Variants in CHST8 observed in about 807,000 individuals in gnomAD.
CHST8 encodes carbohydrate sulfotransferase 8.
In CHST8, 10 loss-of-function variants were observed where a neutral mutation model predicts 15.0. The observed-to-expected ratio is 0.67, with a 90% CI of 0.41 to 1.13. The LOEUF (loss-of-function observed/expected upper bound fraction) is 1.13, where lower values mean the gene tolerates loss of function less well. Ranked by LOEUF, CHST8 falls within the 50% of genes most tolerant of loss-of-function variation. The pLI is 0.00. For synonymous variants in CHST8, 259 were observed against 256.6 expected, an observed-to-expected ratio of 1.01 and a Z score of -0.09; for missense variants, 634 against 608.2, an observed-to-expected ratio of 1.04 and a Z score of -0.45.
intron 3 of CHST8, among the ~76,000 whole-genome samples, chr19:33,723,861 G>A (rs757171177): frequency 1.3e-5 from 2 of 152,126 alleles, no homozygotes; most frequent in South Asian, 2.1e-4. Context: ...GATCATCCTC[G>A]AGCCAATTCC....
intron 1 of CHST8, among the ~76,000 whole-genome samples, chr19:33,647,003 CAA>C (rs1242757942): frequency 6.6e-6 from 1 of 152,190 alleles, no homozygotes; most frequent in Non-Finnish European, 1.5e-5. Context: ...CAGGAATGAA[CAA>C]AGACAGCTTG....
intron 3 of CHST8, among the ~76,000 whole-genome samples, chr19:33,712,787 G>C (rs552629867): frequency 6.6e-6 from 1 of 152,084 alleles, no homozygotes; most frequent in Non-Finnish European, 1.5e-5. Flanking sequence ...CTCCTTGCCC[G>C]AGTCTCAAAA....
At chr19:33,624,040 G>A (rs1972019826) in intron 1 of CHST8, among the ~76,000 whole-genome samples, 2 of 152,168 alleles carry the variant, frequency 1.3e-5, no homozygotes, top group Non-Finnish European at 2.9e-5. Context: ...CCATTGCCTG[G>A]CCCAGTCGCC....
At chr19:33,718,720 A>G (rs1973715968) in intron 3 of CHST8, among the ~76,000 whole-genome samples, 1 of 152,238 alleles carries the variant, frequency 6.6e-6, no homozygotes, top group South Asian at 2.1e-4. Flanking sequence ...GTGTTTACCC[A>G]GAATCCTCCT....
intron 3 of CHST8, among the ~76,000 whole-genome samples, chr19:33,718,269 A>T (rs1454113005): frequency 1.8e-5 from 2 of 112,408 alleles, no homozygotes; most frequent in Non-Finnish European, 3.8e-5. Flanking sequence ...CCCAGGCTGG[A>T]CTACAGTGGC....
Position 33,689,385 on chromosome 19 carries a change from G to C in CHST8, c.124G>C (p.Val42Leu). Residue 42 changes from valine to leucine, a missense_variant, in exon 3 of 5, where the codon GTG (valine) becomes CTG (leucine). By Grantham distance (32) the Val-to-Leu change is conservative. Coordinates refer to ENST00000650847, the MANE Select transcript of CHST8 (RefSeq NM_001127895.2). ...QDPTELAPQQ[V>L]PGIKFNIRPR... ...CCCTACGGAGCTCGCCCCCCAGCAG[G>C]TGCCAGGTGAGTCCTTGCGCTGAGT... 5.0e-6 allele frequency: 8 copies of C among 1,592,794 alleles called. No homozygotes were observed. Among genetic ancestry groups the C allele is most frequent in the Non-Finnish European group, 5.1e-6 (6 of 1,172,478 alleles).
At chr19:33,642,303 C>CA (rs1555710971) in intron 1 of CHST8, among the ~76,000 whole-genome samples, 1 of 152,126 alleles carries the variant, frequency 6.6e-6, no homozygotes, top group African/African-American at 2.4e-5. Context: ...GGCCCCCCCC[C>CA]ACTCCACCTC....
chr19:33,689,558 T>C (rs1048664819), intron 3 of CHST8, among the ~76,000 whole-genome samples, 167 bp downstream of exon 3: 4 of 152,212 alleles, frequency 2.6e-5, no homozygotes, highest in Non-Finnish European at 5.9e-5. Context: ...TTAGTCTCAA[T>C]GTGGGAGTGC....
intron 1 of CHST8, among the ~76,000 whole-genome samples, chr19:33,645,930 T>C (rs1359997060): frequency 1.3e-5 from 2 of 151,914 alleles, no homozygotes; most frequent in East Asian, 3.9e-4. Context: ...AGTTCAAGAC[T>C]AGCCTGGGCA....
intron 2 of CHST8, among the ~76,000 whole-genome samples, chr19:33,688,348 G>T (rs560592536): frequency 6.6e-6 from 1 of 152,326 alleles, no homozygotes; most frequent in African/African-American, 2.4e-5. Flanking sequence ...GAGTCACATG[G>T]GTATACTCTG....
At chr19:33,690,164 C>A (rs937306319) in intron 3 of CHST8, among the ~76,000 whole-genome samples, 1 of 152,104 alleles carries the variant, frequency 6.6e-6, no homozygotes, top group East Asian at 1.9e-4. Context: ...AGCAGTGGCC[C>A]CTGTTAGGGG....
chr19:33,673,444 G>T (rs532350010), intron 2 of CHST8, among the ~76,000 whole-genome samples: 1 of 152,200 alleles, frequency 6.6e-6, no homozygotes, highest in African/African-American at 2.4e-5. Context: ...AGGGGGAGTG[G>T]TGGAGGCCAG....
chr19:33,722,939 G>A (rs1973827499), intron 3 of CHST8, among the ~76,000 whole-genome samples: 1 of 152,244 alleles, frequency 6.6e-6, no homozygotes, highest in African/African-American at 2.4e-5. Context: ...CAAGTGCTGA[G>A]TGACAGCTAA....
chr19:33,686,163 G>A (rs557354473), intron 2 of CHST8, among the ~76,000 whole-genome samples: 1 of 152,262 alleles, frequency 6.6e-6, no homozygotes, highest in African/African-American at 2.4e-5. Flanking sequence ...GAGGGTGTTC[G>A]TGTTCTCTCG....
chr19:33,688,226 TTGGGGTGCCCCCA>T (rs1221316266), intron 2 of CHST8, among the ~76,000 whole-genome samples: 3 of 152,224 alleles, frequency 2.0e-5, no homozygotes, highest in Non-Finnish European at 4.4e-5. Context: ...GCAAATGGCC[TTGGGGTGCCCCCA>T]TCTCCATGCA....
intron 3 of CHST8, among the ~76,000 whole-genome samples, chr19:33,742,267 T>C (rs1384916433): frequency 1.3e-5 from 2 of 152,182 alleles, no homozygotes; most frequent in Non-Finnish European, 2.9e-5. Flanking sequence ...TTAGTTTGCA[T>C]TGTGTTTCTA....
intron 3 of CHST8, among the ~76,000 whole-genome samples, chr19:33,743,704 G>A (rs1341985782): frequency 6.6e-6 from 1 of 152,114 alleles, no homozygotes; most frequent in African/African-American, 2.4e-5. Context: ...TCCTGGGGTC[G>A]TTGCTGCACT....
intron 1 of CHST8, among the ~76,000 whole-genome samples, chr19:33,648,693 A>G (rs1972388349): frequency 6.6e-6 from 1 of 152,152 alleles, no homozygotes; most frequent in Non-Finnish European, 1.5e-5. Flanking sequence ...TGGCCCAGCA[A>G]TTCCACTCCT....
intron 1 of CHST8, among the ~76,000 whole-genome samples, chr19:33,632,019 C>A (rs948505072): frequency 6.6e-6 from 1 of 152,222 alleles, no homozygotes; most frequent in Non-Finnish European, 1.5e-5. Context: ...TCTTGGGTGT[C>A]AGGAAGCATA....
Sources: allele counts gnomAD v4.1 joint callset (sites outside exome capture counted in the v4.1 genomes callset), GRCh38; gene constraint gnomAD v4.1.1; transcripts MANE v1.5; gene names NCBI Gene and HGNC (gene_info 2026-07-23, HGNC 2026-07-21).